Variants in MAGI1 observed in about 807,000 individuals in gnomAD.
MAGI1 encodes membrane-associated guanylate kinase, WW and PDZ domain-containing protein 1.
A neutral mutation model predicts 139.9 loss-of-function variants in MAGI1; 58 were observed. The observed-to-expected ratio is 0.41, with a 90% CI of 0.34 to 0.52. The LOEUF (loss-of-function observed/expected upper bound fraction) is 0.52, where lower values mean the gene tolerates loss of function less well. MAGI1 is among the 20% of genes least tolerant of loss of function. MAGI1 has a pLI of 0.12. For synonymous variants in MAGI1, 812 were observed against 737.9 expected (o/e 1.10, Z -1.63); for missense variants, 1,874 against 1,901.6 (o/e 0.99, Z 0.27).
intron 1 of MAGI1, among the ~76,000 whole-genome samples, chr3:65,785,438 T>C (rs1342290670): frequency 6.6e-6 from 1 of 152,162 alleles, no homozygotes; most frequent in South Asian, 2.1e-4. Flanking sequence ...TCATGACTTA[T>C]ACACAGATAA....
intron 1 of MAGI1, among the ~76,000 whole-genome samples, chr3:65,767,181 A>AT (rs1343472112): frequency 6.6e-6 from 1 of 152,156 alleles, no homozygotes; most frequent in Non-Finnish European, 1.5e-5. Flanking sequence ...ATAATCACCT[A>AT]TTCACACATT....
intron 1 of MAGI1, among the ~76,000 whole-genome samples, chr3:65,707,012 G>A (rs1005482051): frequency 5.9e-5 from 9 of 152,092 alleles, no homozygotes; most frequent in Admixed American, 1.3e-4. Flanking sequence ...GTGAACCACC[G>A]TCTCGGCATG....
chr3:65,694,427 C>T (rs73832918), intron 1 of MAGI1, among the ~76,000 whole-genome samples: 2,525 of 144,358 alleles, frequency 0.017, 80 homozygotes, highest in African/African-American at 0.061. Flanking sequence ...ATATGCCTGG[C>T]GGGTAGTAAG....
chr3:65,489,218 A>G (rs1951827487), intron 3 of MAGI1, among the ~76,000 whole-genome samples: 1 of 152,198 alleles, frequency 6.6e-6, no homozygotes, highest in African/African-American at 2.4e-5. Flanking sequence ...AAGAGCACCT[A>G]CTATGTGCCA....
chr3:65,686,012 T>C (rs926171133), intron 1 of MAGI1, among the ~76,000 whole-genome samples: 1 of 152,122 alleles, frequency 6.6e-6, no homozygotes, highest in African/African-American at 2.4e-5. Context: ...ATAGAAACTT[T>C]TTCCCCAATT....
At chr3:65,512,612 G>C (rs1446942124) in intron 2 of MAGI1, among the ~76,000 whole-genome samples, 3 of 152,116 alleles carry the variant, frequency 2.0e-5, no homozygotes, top group Admixed American at 6.6e-5. Flanking sequence ...CCAGGAAGAA[G>C]TTGAATCTCT....
Position 65,563,850 on chromosome 3 carries a change from C to T in MAGI1, c.430+58122G>A, listed in dbSNP as rs560857075. 4.6e-5 allele frequency among the ~76,000 whole-genome samples: 7 copies of T among 152,296 alleles called. No homozygotes were observed. In the South Asian group the frequency reaches 1.5e-3, roughly 32 times the overall value. On this transcript the variant is annotated intron_variant, in intron 2 of 22. Transcript: ENST00000402939. Reference sequence around the variant, plus strand: ...GCAATTGATAGTTACTGACTGCTTACTTGTATGAGACCAGTATGCCAAGCC... The same window carrying T: ...GCAATTGATAGTTACTGACTGCTTATTTGTATGAGACCAGTATGCCAAGCC...
At chr3:65,957,011 T>A (rs1425606912) in intron 1 of MAGI1, among the ~76,000 whole-genome samples, 3 of 151,778 alleles carry the variant, frequency 2.0e-5, no homozygotes, top group Non-Finnish European at 4.4e-5. Context: ...CAAAAAAAAT[T>A]ATGTTATTGG....
intron 1 of MAGI1, among the ~76,000 whole-genome samples, chr3:65,656,979 C>CAAAA (rs58817001): frequency 2.8e-4 from 21 of 73,932 alleles, no homozygotes; most frequent in Non-Finnish European, 3.9e-4. Flanking sequence ...GACACCATCT[C>CAAAA]AAAAAAAAAA....
At chr3:65,703,969 T>A (rs1219152061) in intron 1 of MAGI1, among the ~76,000 whole-genome samples, 1 of 152,306 alleles carries the variant, frequency 6.6e-6, no homozygotes, top group African/African-American at 2.4e-5. Context: ...TAGAATTCAG[T>A]GAGTTTTTTT....
intron 7 of MAGI1, 74 bp from the exon 8 acceptor site, chr3:65,442,923 TA>T: frequency 8.9e-7 from 1 of 1,126,228 alleles, no homozygotes; most frequent in Non-Finnish European, 1.3e-6. Context: ...ACAACTGAGT[TA>T]GGCAAAAAGA....
intron 1 of MAGI1, among the ~76,000 whole-genome samples, chr3:65,826,822 C>T (rs1318525257): frequency 6.6e-6 from 1 of 152,148 alleles, no homozygotes; most frequent in East Asian, 1.9e-4. Context: ...AAATAGTTCT[C>T]TTTCTAACAA....
At chr3:65,419,005 G>A (rs1021635969) in intron 12 of MAGI1, among the ~76,000 whole-genome samples, 4 of 152,132 alleles carry the variant, frequency 2.6e-5, no homozygotes, top group African/African-American at 7.2e-5. Flanking sequence ...TTCTATCTGC[G>A]CTGGCGGCTC....
At chr3:65,484,750 T>A (rs1038042867) in intron 3 of MAGI1, among the ~76,000 whole-genome samples, 1 of 152,086 alleles carries the variant, frequency 6.6e-6, no homozygotes, top group African/African-American at 2.4e-5. Context: ...CCTCTGCTCC[T>A]CACCCTGTTA....
At chr3:65,591,771 G>C (rs2081974448) in intron 2 of MAGI1, among the ~76,000 whole-genome samples, 1 of 152,110 alleles carries the variant, frequency 6.6e-6, no homozygotes, top group Admixed American at 6.5e-5. Flanking sequence ...GAAAATGCAG[G>C]TACCACTTCT....
At chr3:65,765,399 G>A (rs2037384710) in intron 1 of MAGI1, among the ~76,000 whole-genome samples, 1 of 152,148 alleles carries the variant, frequency 6.6e-6, no homozygotes, top group Admixed American at 6.5e-5. Context: ...AGAAACCAAT[G>A]TTCCACTGCT....
intron 1 of MAGI1, among the ~76,000 whole-genome samples, chr3:65,951,144 T>G (rs1030612234): frequency 2.0e-5 from 3 of 152,176 alleles, no homozygotes; most frequent in African/African-American, 7.2e-5. Context: ...TATGAATTTA[T>G]GTTGGGCCGC....
chr3:65,831,158 C>G (rs999380906), intron 1 of MAGI1, among the ~76,000 whole-genome samples: 1 of 152,176 alleles, frequency 6.6e-6, no homozygotes. Context: ...TTCCTCACTT[C>G]TAACTTCAAG....
At chr3:65,983,869 T>C (rs1339667524) in intron 1 of MAGI1, among the ~76,000 whole-genome samples, 1 of 152,232 alleles carries the variant, frequency 6.6e-6, no homozygotes, top group African/African-American at 2.4e-5. Context: ...ATTATAATAG[T>C]ACAGTTTATA....
Sources: allele counts gnomAD v4.1 joint callset (sites outside exome capture counted in the v4.1 genomes callset), GRCh38; gene constraint gnomAD v4.1.1; transcripts MANE v1.5; gene names NCBI Gene and HGNC (gene_info 2026-07-23, HGNC 2026-07-21).